The following CDKL4 variants were observed in gnomAD, a reference collection of about 807,000 sequenced individuals.
The protein encoded by CDKL4 is cyclin-dependent kinase-like 4.
In CDKL4, 44 loss-of-function variants were observed where a neutral mutation model predicts 42.0. That is an observed-to-expected ratio of 1.05 (90% CI 0.82 to 1.35). CDKL4 has a LOEUF of 1.35. Among genes scored for constraint, CDKL4 ranks in the 40% most tolerant of loss-of-function variants. CDKL4 has a pLI of 0.00. For synonymous variants in CDKL4, 120 were observed against 121.6 expected (o/e 0.99, Z 0.09); for missense variants, 393 against 369.9 (o/e 1.06, Z -0.51).
Position 39,180,378 on chromosome 2 carries a change from A to G in CDKL4, c.793-1057T>C, listed in dbSNP as rs73930527. Among the ~76,000 whole-genome samples the G allele has an allele frequency of 8.7e-3, 1,333 of 152,346 alleles. 24 individuals carry two copies. The highest frequency in any genetic ancestry group is 0.03 in the African/African-American group (1,244 of 41,580). On this transcript the variant is annotated intron_variant, in intron 8 of 9. Coordinates refer to ENST00000451199, the Ensembl canonical transcript of CDKL4. ...CAATTGCGTTGCCTGAGGCTGCCCC[A>G]GCCGGGCACTGCCCTGTGGTGTCTG...
chr2:39,206,521 A>G (rs1314214012), intron 4 of CDKL4, among the ~76,000 whole-genome samples: 1 of 152,222 alleles, frequency 6.6e-6, no homozygotes, highest in East Asian at 1.9e-4. Context: ...GCCCGCGCGC[A>G]CATGGGCATT....
At chr2:39,177,549 C>T (rs1163738458) in intron 9 of CDKL4, among the ~76,000 whole-genome samples, 6 of 151,874 alleles carry the variant, frequency 4.0e-5, no homozygotes, top group East Asian at 1.9e-4. Flanking sequence ...GGATTACAGG[C>T]GCCCACCACT....
At chr2:39,186,665 T>C (rs1247567603) in intron 7 of CDKL4, among the ~76,000 whole-genome samples, 4 of 152,162 alleles carry the variant, frequency 2.6e-5, no homozygotes, top group Non-Finnish European at 5.9e-5. Context: ...TGTAAAACAA[T>C]CTCCCATGTA....
chr2:39,209,844 G>A (rs1677482105), intron 4 of CDKL4, among the ~76,000 whole-genome samples: 1 of 152,060 alleles, frequency 6.6e-6, no homozygotes, highest in African/African-American at 2.4e-5. Context: ...GGTTTTAGTT[G>A]TATTATTGTG....
intron 7 of CDKL4, among the ~76,000 whole-genome samples, chr2:39,185,442 A>ATATGTGTGTG (rs1258504048): frequency 1.6e-4 from 1 of 6,110 alleles, no homozygotes; most frequent in African/African-American, 2.2e-4. Context: ...GTATATATAC[A>ATATGTGTGTG]TGTATATATA....
At chr2:39,189,030 T>C (rs1045785189) in intron 6 of CDKL4, among the ~76,000 whole-genome samples, 2 of 152,204 alleles carry the variant, frequency 1.3e-5, no homozygotes, top group South Asian at 2.1e-4. Flanking sequence ...AGGTATGTAA[T>C]GTAAATTTCC....
At chr2:39,232,715 T>C (rs1409097614) in intron 1 of CDKL4, among the ~76,000 whole-genome samples, 1 of 151,928 alleles carries the variant, frequency 6.6e-6, no homozygotes, top group African/African-American at 2.4e-5. Flanking sequence ...GCCTTCAATA[T>C]AACAAGAAGA....
chr2:39,229,685 T>C lies in CDKL4; in HGVS notation c.-56-97A>G, dbSNP rs577931214. Reference sequence around the variant, plus strand: ...TTTGTCCACATGCCAAAGGTTTATATTCATCAATTAATTGGAAATCCACTT... The same window carrying C: ...TTTGTCCACATGCCAAAGGTTTATACTCATCAATTAATTGGAAATCCACTT... On this transcript the variant is annotated intron_variant, in intron 1 of 9. Transcript: ENST00000451199. 9 of 499,670 alleles carry C rather than the reference T, an allele frequency of 1.8e-5. No individual in the cohort carries two copies. The South Asian group carries it at 3.7e-4, about 21-fold the overall frequency. 31.0% of individuals were successfully genotyped at this position (499,670 alleles called of 1,614,324 possible).
At chr2:39,207,253 C>T (rs559846190) in intron 4 of CDKL4, among the ~76,000 whole-genome samples, 41 of 152,104 alleles carry the variant, frequency 2.7e-4, no homozygotes, top group African/African-American at 8.9e-4. Context: ...AGGTGTGTGG[C>T]GTGTGCCTTT....
chr2:39,196,427 A>G (rs1676518897), intron 5 of CDKL4, among the ~76,000 whole-genome samples: 1 of 152,010 alleles, frequency 6.6e-6, no homozygotes, highest in South Asian at 2.1e-4. Context: ...ATAACAATCA[A>G]TGCAGTTTGG....
chr2:39,205,661 GAGGC>G (rs1677120032), intron 4 of CDKL4, among the ~76,000 whole-genome samples: 1 of 150,106 alleles, frequency 6.7e-6, no homozygotes, highest in Non-Finnish European at 1.5e-5. Context: ...TCAGGAGGCT[GAGGC>G]AGGAGAATGG....
chr2:39,213,889 T>TTTTTG (rs70954795), intron 3 of CDKL4, among the ~76,000 whole-genome samples: 6,923 of 148,548 alleles, frequency 0.047, 219 homozygotes, highest in African/African-American at 0.074. Flanking sequence ...CTCTGTACTT[T>TTTTTG]TTTTGTTTTG....
intron 2 of CDKL4, among the ~76,000 whole-genome samples, chr2:39,226,434 A>AATTATATGTATTATATATAT (rs1678720475): frequency 9.8e-6 from 1 of 101,572 alleles, no homozygotes. Flanking sequence ...TATTTATATA[A>AATTATATGTATTATATATAT]ATTATATATA....
At chr2:39,205,759 C>CAA (rs1167041058) in intron 4 of CDKL4, among the ~76,000 whole-genome samples, 20,682 of 78,310 alleles carry the variant, frequency 0.26, 3,939 homozygotes, top group Middle Eastern at 0.39. Flanking sequence ...GACTCCGTCT[C>CAA]AAAAAAAAAA....
intron 3 of CDKL4, among the ~76,000 whole-genome samples, chr2:39,216,544 A>C (rs1048465072): frequency 6.6e-6 from 1 of 152,252 alleles, no homozygotes; most frequent in African/African-American, 2.4e-5. Context: ...GGCAACATAC[A>C]TACAGAGAGA....
At chr2:39,168,083 A>G in the CDKL4 span, among the ~76,000 whole-genome samples, 1 of 152,172 alleles carries the variant, frequency 6.6e-6, no homozygotes, top group Non-Finnish European at 1.5e-5. Flanking sequence ...TTTTCAAAGT[A>G]TCTTAAGCTA....
At chr2:39,216,022 A>AATAGT (rs1373270237) in intron 3 of CDKL4, among the ~76,000 whole-genome samples, 1 of 152,232 alleles carries the variant, frequency 6.6e-6, no homozygotes, top group East Asian at 1.9e-4. Flanking sequence ...AGGCAGGAAG[A>AATAGT]ATAGTATAGC....
upstream of CDKL4, among the ~76,000 whole-genome samples, chr2:39,246,928 A>G (rs1679937917): frequency 6.6e-6 from 1 of 152,146 alleles, no homozygotes; most frequent in Admixed American, 6.5e-5. Context: ...CATTTTTTGT[A>G]GAGAAGGAGA....
chr2:39,232,302 G>A (rs1679124214), intron 1 of CDKL4, among the ~76,000 whole-genome samples: 1 of 152,078 alleles, frequency 6.6e-6, no homozygotes, highest in African/African-American at 2.4e-5. Context: ...TATGCAAGCA[G>A]GAATTAGACC....
Sources: gnomAD v4.1 joint callset for allele counts (sites outside exome capture counted in the v4.1 genomes callset) on GRCh38, gnomAD v4.1.1 for gene constraint, MANE v1.5 for transcripts, NCBI Gene and HGNC (gene_info 2026-07-23, HGNC 2026-07-21) for gene names.